WDR62: variants seen among roughly 807,000 people sequenced by gnomAD.
WDR62 encodes WD repeat-containing protein 62.
A neutral mutation model predicts 160.6 loss-of-function variants in WDR62; 112 were observed. The observed-to-expected ratio is 0.70, with a 90% confidence interval of 0.60 to 0.82. WDR62 has a LOEUF of 0.82. WDR62 is among the 40% of genes least tolerant of loss of function. The pLI, the probability that WDR62 is intolerant of heterozygous loss-of-function variation, is 0.00. For synonymous variants in WDR62, 792 were observed against 815.1 expected (o/e 0.97, Z 0.48); for missense variants, 1,819 against 1,983.8 (o/e 0.92, Z 1.58).
intron 20 of WDR62, among the ~76,000 whole-genome samples, chr19:36,095,231 T>A (rs1401918292): frequency 6.6e-6 from 1 of 152,210 alleles, no homozygotes; most frequent in African/African-American, 2.4e-5. Flanking sequence ...TTCTTCATGT[T>A]GGCTTTGCTG....
chr19:36,066,310 G>T lies in WDR62; in HGVS notation c.444G>T (p.Val148=). 6.2e-7 allele frequency: 1 copy of T among 1,614,238 alleles called. No individual in the cohort carries two copies. The highest frequency in any genetic ancestry group is 1.3e-5 in the African/African-American group (1 of 75,062). ...RIWDVEEKNQ[V]AEMLGHKYGV... The stretch of plus-strand genomic sequence containing the variant: ...GGGATGTGGAGGAGAAGAATCAGGT[G>T]GCGGAGATGCTAGGCCACAAGTATG... The change falls in exon 5 of 32, where the codon GTG becomes GTT. Residue 148 remains valine, a synonymous_variant. Transcript: ENST00000401500.
intron 1 of WDR62, among the ~76,000 whole-genome samples, chr19:36,057,081 C>G (rs550248394): frequency 6.6e-6 from 1 of 152,274 alleles, no homozygotes; most frequent in African/African-American, 2.4e-5. Context: ...TCCCAAAGTG[C>G]TAGGATTACA....
chr19:36,086,919 G>A, intron 13 of WDR62, 107 bp downstream of exon 13: 1 of 1,436,988 alleles, frequency 7.0e-7, no homozygotes, highest in South Asian at 1.2e-5. Context: ...AGTGAATACA[G>A]TATCTGTGTA....
At chr19:36,100,108 A>G (rs547600175) in intron 22 of WDR62, among the ~76,000 whole-genome samples, 1 of 152,272 alleles carries the variant, frequency 6.6e-6, no homozygotes, top group Admixed American at 6.5e-5. Flanking sequence ...ATATTTTTTA[A>G]ATTTTTTTGT....
chr19:36,083,631 G>GT (rs1469651163), intron 11 of WDR62, among the ~76,000 whole-genome samples: 2 of 152,180 alleles, frequency 1.3e-5, no homozygotes, highest in African/African-American at 4.8e-5. Context: ...ATAGCTGAGA[G>GT]TTCAGGCTGC....
downstream of WDR62, among the ~76,000 whole-genome samples, chr19:36,106,503 A>C (rs949424681): frequency 6.6e-6 from 1 of 152,184 alleles, no homozygotes; most frequent in Non-Finnish European, 1.5e-5. Context: ...AGAGCTCTGT[A>C]TAATTCTAGA....
rs1973558350 is a variant in WDR62 at position 36,103,826 on chromosome 19, AAG to A, written c.4003_4004del (p.Ser1335ArgfsTer17). The stretch of plus-strand genomic sequence containing the variant: ...AGCTTCCCAGCCCCTAGCCCTGTGG[AAG>A]AGAGCGCCCTGAGGCTCCACGGCTC... On this transcript the variant is annotated frameshift_variant, in exon 30 of 32. Transcript: ENST00000401500. LOFTEE classifies it high-confidence loss of function. The A allele has an allele frequency of 1.2e-6, 2 of 1,606,886 alleles. No individual in the cohort carries two copies. Among genetic ancestry groups the A allele is most frequent in the Non-Finnish European group, 1.7e-6 (2 of 1,179,424 alleles).
At chr19:36,071,470 G>C (rs979315980) in intron 7 of WDR62, 86 bp from the exon 8 acceptor site, 1 of 1,507,290 alleles carries the variant, frequency 6.6e-7, no homozygotes, top group African/African-American at 1.4e-5. Flanking sequence ...TTCTCTGGAG[G>C]CCTAAGGCTG....
At chr19:36,092,631 C>T (rs1253047571) in intron 18 of WDR62, 58 bp from the exon 19 acceptor site, 1 of 1,610,966 alleles carries the variant, frequency 6.2e-7, no homozygotes, top group African/African-American at 1.3e-5. Flanking sequence ...TCAGCCACGG[C>T]AGCGGCTCCC....
chr19:36,092,889 G>A (rs1972718328), intron 19 of WDR62, 78 bp downstream of exon 19: 1 of 1,609,084 alleles, frequency 6.2e-7, no homozygotes, highest in Non-Finnish European at 8.5e-7. Context: ...GGGACACAGT[G>A]GTGGCCAAGA....
chr19:36,069,053 G>GGGGC (rs1971114108), intron 7 of WDR62, among the ~76,000 whole-genome samples: 3 of 151,264 alleles, frequency 2.0e-5, no homozygotes. Context: ...CCTCCTGGAC[G>GGGGC]GGGCGGCTGG....
chr19:36,070,133 A>G (rs1028374965), intron 7 of WDR62: 6 of 151,138 alleles, frequency 4.0e-5, no homozygotes, highest in African/African-American at 1.5e-4. Context: ...CAAAATACAT[A>G]AACTTTTATT....
At chr19:36,067,160 G>C in intron 5 of WDR62, 146 bp from the exon 6 acceptor site, 1 of 1,031,320 alleles carries the variant, frequency 9.7e-7, no homozygotes, top group Non-Finnish European at 1.5e-6. Context: ...CCCCACATAG[G>C]TTTCCCCATA....
rs1973203334 is a variant in WDR62, at chr19:36,099,628, C to T, written c.2739+11C>T. On this transcript the variant is annotated intron_variant, in intron 22 of 31. Transcript: ENST00000401500. The stretch of plus-strand genomic sequence containing the variant: ...AGCCTGCTGAGTGAGGTACACACTT[C>T]CACCGCAGCCTGGCCCATAGCCCCG... The T allele has an allele frequency of 6.2e-7, 1 of 1,613,544 alleles. No homozygotes were observed. Among genetic ancestry groups the T allele is most frequent in the Non-Finnish European group, 8.5e-7 (1 of 1,179,752 alleles).
intron 30 of WDR62, 91 bp downstream of exon 30, chr19:36,104,072 C>T (rs191466958): frequency 8.5e-4 from 1,274 of 1,495,208 alleles, no homozygotes; most frequent in Non-Finnish European, 1.1e-3. Flanking sequence ...GACCTGGCCA[C>T]AGGGACTGTG....
At chr19:36,094,253 A>G (rs987888594) in intron 20 of WDR62, 89 bp downstream of exon 20, 20 of 1,561,056 alleles carry the variant, frequency 1.3e-5, no homozygotes, top group East Asian at 2.3e-5. Flanking sequence ...GGCCTGGCAC[A>G]TATTAAAACT....
the WDR62 span, among the ~76,000 whole-genome samples, chr19:36,110,825 CT>C: frequency 2.2e-4 from 34 of 152,172 alleles, no homozygotes; most frequent in African/African-American, 7.5e-4. Context: ...TGGATGTCCC[CT>C]GGTGACTGAT....
At chr19:36,071,469 G>A (rs1971293900) in intron 7 of WDR62, 87 bp from the exon 8 acceptor site, 2 of 1,502,164 alleles carry the variant, frequency 1.3e-6, no homozygotes, top group Admixed American at 1.7e-5. Flanking sequence ...CTTCTCTGGA[G>A]GCCTAAGGCT....
chr19:36,078,841 A>AAC (rs1356752339), intron 9 of WDR62, among the ~76,000 whole-genome samples: 60 of 151,558 alleles, frequency 4.0e-4, no homozygotes, highest in Admixed American at 5.2e-4. Context: ...GTCAAAAAAA[A>AAC]AAAAAAAAAC....
Sources: gnomAD v4.1 joint callset for allele counts (sites outside exome capture counted in the v4.1 genomes callset) on GRCh38, gnomAD v4.1.1 for gene constraint, MANE v1.5 for transcripts, NCBI Gene and HGNC (gene_info 2026-07-23, HGNC 2026-07-21) for gene names.